Variants in AGBL4 observed in about 807,000 individuals in gnomAD.
AGBL4 encodes the protein AGBL carboxypeptidase 4.
AGBL4 carries 58 observed loss-of-function variants against 66.4 expected under a neutral mutation model. That is an observed-to-expected ratio of 0.87 (90% CI 0.71 to 1.09). The LOEUF (loss-of-function observed/expected upper bound fraction) is 1.09. AGBL4 is among the 50% of genes least tolerant of loss of function. AGBL4 has a pLI of 0.00. For missense variants in AGBL4, 579 were observed against 631.0 expected (o/e 0.92, Z 0.88); for synonymous variants, 234 against 222.9 (o/e 1.05, Z -0.44).
intron 3 of AGBL4, among the ~76,000 whole-genome samples, chr1:49,645,491 A>G (rs184829712): frequency 6.6e-6 from 1 of 151,670 alleles, no homozygotes; most frequent in Non-Finnish European, 1.5e-5. Context: ...GAAACTCACA[A>G]AAGAAGAAAC....
At chr1:49,844,644 C>G in intron 2 of AGBL4, 1 of 1,544,568 alleles carries the variant, frequency 6.5e-7, no homozygotes, top group Non-Finnish European at 8.7e-7. Flanking sequence ...AACTCTTTTG[C>G]CCTGGAACAG....
intron 2 of AGBL4, among the ~76,000 whole-genome samples, chr1:49,804,698 T>G (rs1365571766): frequency 6.6e-6 from 1 of 152,192 alleles, no homozygotes; most frequent in African/African-American, 2.4e-5. Flanking sequence ...TAACTCTTTA[T>G]AAATAATTTG....
At chr1:49,294,792 G>A (rs1009435902) in intron 3 of AGBL4, among the ~76,000 whole-genome samples, 1 of 152,090 alleles carries the variant, frequency 6.6e-6, no homozygotes, top group Non-Finnish European at 1.5e-5. Flanking sequence ...TTCCTCCGAG[G>A]AGCTTTATTT....
At chr1:49,287,634 C>G (rs1410139660) in intron 3 of AGBL4, among the ~76,000 whole-genome samples, 1 of 152,170 alleles carries the variant, frequency 6.6e-6, no homozygotes, top group Non-Finnish European at 1.5e-5. Context: ...CACTGGCCAT[C>G]AGAGAAATGC....
intron 2 of AGBL4, chr1:49,845,926 T>A: frequency 1.4e-6 from 2 of 1,469,846 alleles, no homozygotes; most frequent in Non-Finnish European, 1.9e-6. Context: ...ACAAATGCAA[T>A]GACTGCAGCA....
intron 6 of AGBL4, among the ~76,000 whole-genome samples, chr1:48,785,089 G>A (rs1263790001): frequency 1.3e-5 from 2 of 152,088 alleles, no homozygotes; most frequent in African/African-American, 4.8e-5. Context: ...CACTTCCTCA[G>A]GAAAGTCCTC....
chr1:49,152,819 C>T (rs532470305), intron 4 of AGBL4, among the ~76,000 whole-genome samples: 1 of 152,282 alleles, frequency 6.6e-6, no homozygotes, highest in South Asian at 2.1e-4. Context: ...AAATTTCACC[C>T]ACACAGGGTT....
At chr1:49,366,758 C>T (rs12133687) in intron 3 of AGBL4, among the ~76,000 whole-genome samples, 377 of 152,254 alleles carry the variant, frequency 2.5e-3, no homozygotes, top group Non-Finnish European at 3.7e-3. Context: ...CTCAACTTGA[C>T]CTCAAAAGAA....
At chr1:48,785,612 A>T (rs1211401468) in intron 6 of AGBL4, among the ~76,000 whole-genome samples, 1 of 152,244 alleles carries the variant, frequency 6.6e-6, no homozygotes, top group Non-Finnish European at 1.5e-5. Context: ...TAGAAAAATG[A>T]TGTACACAGA....
chr1:48,761,137 T>C, intron 6 of AGBL4: 1 of 563,328 alleles, frequency 1.8e-6, no homozygotes, highest in East Asian at 3.1e-5. Context: ...TGGCACAGCA[T>C]GAATCAGGGC....
At chr1:49,670,480 C>T (rs1233288812) in intron 3 of AGBL4, among the ~76,000 whole-genome samples, 1 of 152,082 alleles carries the variant, frequency 6.6e-6, no homozygotes, top group Non-Finnish European at 1.5e-5. Flanking sequence ...GGGGCTATGA[C>T]AGAACAGAAA....
At chr1:49,351,018 A>G (rs1645742429) in intron 3 of AGBL4, among the ~76,000 whole-genome samples, 1 of 152,118 alleles carries the variant, frequency 6.6e-6, no homozygotes, top group Non-Finnish European at 1.5e-5. Flanking sequence ...TGGCTGTCTC[A>G]TGGAGTTTGT....
intron 5 of AGBL4, among the ~76,000 whole-genome samples, chr1:48,999,734 G>A (rs570932385): frequency 6.6e-6 from 1 of 152,062 alleles, no homozygotes; most frequent in East Asian, 1.9e-4. Flanking sequence ...AAGCCTGAAG[G>A]ACTTCCAAAA....
intron 4 of AGBL4, among the ~76,000 whole-genome samples, chr1:49,150,194 C>T (rs1646300367): frequency 6.6e-6 from 1 of 152,260 alleles, no homozygotes; most frequent in Admixed American, 6.5e-5. Flanking sequence ...ACTATGGAAT[C>T]TTGTCACCAG....
At chr1:48,835,381 G>C (rs1646650147) in intron 6 of AGBL4, among the ~76,000 whole-genome samples, 2 of 152,104 alleles carry the variant, frequency 1.3e-5, no homozygotes, top group African/African-American at 4.8e-5. Flanking sequence ...GAACTTATAG[G>C]CTAGTGGGAG....
At chr1:49,821,801 T>C (rs988411538) in intron 2 of AGBL4, among the ~76,000 whole-genome samples, 1 of 152,228 alleles carries the variant, frequency 6.6e-6, no homozygotes, top group East Asian at 1.9e-4. Flanking sequence ...CTTGATTATC[T>C]AAAATTGAGA....
At chr1:49,478,908 T>C (rs1249173841) in intron 3 of AGBL4, among the ~76,000 whole-genome samples, 1 of 152,068 alleles carries the variant, frequency 6.6e-6, no homozygotes, top group East Asian at 1.9e-4. Flanking sequence ...CAGAGTTAAG[T>C]TGTTATCGGC....
chr1:49,014,480 C>T (rs1197446380), intron 5 of AGBL4, among the ~76,000 whole-genome samples: 1 of 152,172 alleles, frequency 6.6e-6, no homozygotes, highest in Non-Finnish European at 1.5e-5. Flanking sequence ...ATGAGGGATG[C>T]TTGGAAACTT....
In AGBL4 at chr1:49,881,236, G is replaced by A. The variant is rs1260754672; in HGVS notation, c.35-29718C>T. ...CATGAACTCATCATTTTTTATGGCT[G>A]CATAGTATTCCATGGTGTATATGTG... On this transcript the variant is annotated intron_variant, in intron 1 of 13. Transcript: ENST00000371839. Among the ~76,000 whole-genome samples, 4 of 152,054 alleles carry A rather than the reference G, an allele frequency of 2.6e-5. No individual in the cohort carries two copies. The East Asian group carries it at 7.7e-4, about 29-fold the overall frequency.
Sources: gnomAD v4.1 joint callset for allele counts (sites outside exome capture counted in the v4.1 genomes callset) on GRCh38, gnomAD v4.1.1 for gene constraint, MANE v1.5 for transcripts, NCBI Gene and HGNC (gene_info 2026-07-23, HGNC 2026-07-21) for gene names.